Variants in NAV3 observed in about 807,000 individuals in gnomAD.
The protein encoded by NAV3 is pore membrane and/or filament interacting like protein 1.
Under a neutral mutation model 244.7 loss-of-function variants are expected in NAV3, and 87 were observed. The ratio of observed to expected loss-of-function variants is 0.36; its 90% confidence interval spans 0.30 to 0.42. NAV3 has a LOEUF of 0.42. Ranked by LOEUF, NAV3 falls within the 20% of genes least tolerant of loss-of-function variation. The probability of loss-of-function intolerance (pLI) is 1.00; values close to 1 mark genes in which losing one functional copy is unlikely to be tolerated. For missense variants in NAV3, 2,663 were observed against 2,893.3 expected (o/e 0.92, Z 1.83); for synonymous variants, 1,126 against 1,042.2 (o/e 1.08, Z -1.55).
intron 1 of NAV3, among the ~76,000 whole-genome samples, chr12:77,922,166 T>G (rs1206289253): frequency 6.6e-6 from 1 of 152,168 alleles, no homozygotes; most frequent in African/African-American, 2.4e-5. Flanking sequence ...CAGTTCCAAT[T>G]AAAAATATTA....
intron 2 of NAV3, among the ~76,000 whole-genome samples, chr12:77,737,591 CA>C (rs746212377): frequency 4.6e-5 from 7 of 151,902 alleles, no homozygotes; most frequent in Non-Finnish European, 7.4e-5. Flanking sequence ...TCATCCAGGG[CA>C]ACAAAAGTCA....
chr12:78,178,966 G>A (rs407061), intron 28 of NAV3, among the ~76,000 whole-genome samples: 139,906 of 152,086 alleles, frequency 0.92, 64,954 homozygotes, highest in East Asian at 1. Context: ...GCTGAGCCCA[G>A]TAGGGAGGTT....
At position 77,886,352 on chromosome 12, in the gene NAV3, A is replaced by T. The variant is rs180682949; in HGVS notation, c.244-53967A>T. Among the ~76,000 whole-genome samples, 38 of 152,162 alleles carry T rather than the reference A, an allele frequency of 2.5e-4. 1 individual carries two copies. The highest frequency in any genetic ancestry group is 9.2e-4 in the African/African-American group (38 of 41,518). ...TCATTTGAACTCCCATACATTCCCC[A>T]CTGTCACCACAATGTATGTGTCAGT... On this transcript the variant is annotated intron_variant, in intron 1 of 39. Coordinates refer to ENST00000397909, the MANE Select transcript of NAV3 (RefSeq NM_001024383.2).
chr12:77,690,992 G>A (rs1874985009), intron 2 of NAV3, among the ~76,000 whole-genome samples: 1 of 150,352 alleles, frequency 6.7e-6, no homozygotes, highest in South Asian at 2.1e-4. Flanking sequence ...TATTTTTATG[G>A]CATCTTTTAT....
rs35319232 is a variant in NAV3, at chr12:77,994,855, CA to C, written c.731del (p.Lys244SerfsTer26). Reference sequence around the variant, plus strand: ...TAATCACAGTGGAATTGCAACCAGTCAAAAAAAGCCTACTAGGTCAGTTAAT... The same window carrying C: ...TAATCACAGTGGAATTGCAACCAGTCAAAAAAGCCTACTAGGTCAGTTAAT... ...QSNHSGIATS[Q>X]KKPTRLPGPS... is the part of the protein sequence containing the mutation. On this transcript the variant is annotated frameshift_variant, in exon 6 of 40. Coordinates refer to ENST00000397909, the MANE Select transcript of NAV3 (RefSeq NM_001024383.2). LOFTEE classifies it high-confidence loss of function. 6 of 1,605,390 alleles carry C rather than the reference CA, an allele frequency of 3.7e-6. No homozygotes were observed. The highest frequency in any genetic ancestry group is 1.1e-5 in the South Asian group (1 of 89,982).
intron 2 of NAV3, among the ~76,000 whole-genome samples, chr12:77,580,703 C>T (rs1869321707): frequency 1.3e-5 from 2 of 152,096 alleles, no homozygotes; most frequent in Admixed American, 1.3e-4. Flanking sequence ...AGAAAAAGAA[C>T]ATTGAACATG....
intron 2 of NAV3, among the ~76,000 whole-genome samples, chr12:77,702,496 G>C (rs942525710): frequency 2.0e-5 from 3 of 151,778 alleles, no homozygotes; most frequent in Non-Finnish European, 4.4e-5. Context: ...TATTAGTTTT[G>C]TATTTGTCTT....
At chr12:78,001,983 G>A (rs1312814437) in intron 7 of NAV3, among the ~76,000 whole-genome samples, 2 of 152,146 alleles carry the variant, frequency 1.3e-5, no homozygotes. Context: ...GAGTACTCTA[G>A]ACAGATATAT....
chr12:78,174,724 G>A (rs1450332515), intron 24 of NAV3, among the ~76,000 whole-genome samples: 3 of 151,834 alleles, frequency 2.0e-5, no homozygotes, highest in African/African-American at 4.8e-5. Context: ...TTTCTTTGGA[G>A]GATCTGCCTT....
At chr12:77,987,644 C>T (rs1055125570) in intron 5 of NAV3, among the ~76,000 whole-genome samples, 3 of 151,776 alleles carry the variant, frequency 2.0e-5, no homozygotes, top group Non-Finnish European at 2.9e-5. Flanking sequence ...ATTATAGGAA[C>T]TAAGAATGAA....
intron 2 of NAV3, among the ~76,000 whole-genome samples, chr12:77,628,537 T>G (rs1326012942): frequency 6.6e-6 from 1 of 152,206 alleles, no homozygotes; most frequent in Non-Finnish European, 1.5e-5. Context: ...TTATAAACTA[T>G]TAATTACGTT....
intron 2 of NAV3, among the ~76,000 whole-genome samples, chr12:77,653,555 G>A (rs372122981): frequency 3.9e-5 from 6 of 152,080 alleles, no homozygotes; most frequent in Middle Eastern, 3.2e-3. Context: ...TGATATTATC[G>A]TGTGTTGGAA....
chr12:77,795,101 C>T (rs1047927034), intron 2 of NAV3, among the ~76,000 whole-genome samples: 5 of 152,188 alleles, frequency 3.3e-5, no homozygotes, highest in African/African-American at 1.2e-4. Context: ...AGACTGAAAG[C>T]TAGGCTTAAT....
chr12:77,815,007 T>C (rs1872473132), intron 2 of NAV3, among the ~76,000 whole-genome samples: 1 of 152,164 alleles, frequency 6.6e-6, no homozygotes, highest in African/African-American at 2.4e-5. Flanking sequence ...TGTCAGGAAA[T>C]GAAACTATCT....
chr12:77,668,137 C>G (rs1473599982), intron 2 of NAV3, among the ~76,000 whole-genome samples: 1 of 152,182 alleles, frequency 6.6e-6, no homozygotes, highest in African/African-American at 2.4e-5. Flanking sequence ...AGAATCTGAA[C>G]AGCAGCCCTT....
At chr12:77,926,523 C>T in intron 1 of NAV3, among the ~76,000 whole-genome samples, 1 of 152,158 alleles carries the variant, frequency 6.6e-6, no homozygotes. Context: ...TATGCCATGG[C>T]TGTTTTATTA....
intron 12 of NAV3, among the ~76,000 whole-genome samples, chr12:78,079,928 A>G (rs1368319230): frequency 2.6e-5 from 4 of 152,236 alleles, no homozygotes; most frequent in Admixed American, 2.0e-4. Flanking sequence ...CCTTGTGTTC[A>G]TAATCGAAGA....
At chr12:77,771,597 G>A (rs1375028423) in intron 2 of NAV3, among the ~76,000 whole-genome samples, 2 of 152,150 alleles carry the variant, frequency 1.3e-5, no homozygotes, top group Non-Finnish European at 2.9e-5. Context: ...AAAATGATGA[G>A]TTCATGTCCT....
At chr12:77,613,515 T>C (rs755033546) in intron 2 of NAV3, among the ~76,000 whole-genome samples, 5 of 152,186 alleles carry the variant, frequency 3.3e-5, no homozygotes, top group African/African-American at 1.2e-4. Context: ...CCTTGAAGTC[T>C]GCCTTCTTGT....
Sources: allele counts gnomAD v4.1 joint callset (sites outside exome capture counted in the v4.1 genomes callset), GRCh38; gene constraint gnomAD v4.1.1; transcripts MANE v1.5; gene names NCBI Gene and HGNC (gene_info 2026-07-23, HGNC 2026-07-21).